The following NTRK2 variants were observed in gnomAD, a reference collection of about 807,000 sequenced individuals.
NTRK2 encodes the protein BDNF/NT-3 growth factors receptor.
A neutral mutation model predicts 94.5 loss-of-function variants in NTRK2; 13 were observed. That is an observed-to-expected ratio of 0.14 (90% CI 0.09 to 0.22). NTRK2 has a LOEUF of 0.22. Ranked by LOEUF, NTRK2 falls within the 10% of genes least tolerant of loss-of-function variation. NTRK2 has a pLI of 1.00. For synonymous variants in NTRK2, 372 were observed against 407.4 expected (o/e 0.91, Z 1.05); for missense variants, 639 against 1,071.2 (o/e 0.60, Z 5.63).
At position 85,022,718 on chromosome 9, in the gene NTRK2, GTA is replaced by G. The variant is rs1336399472; in HGVS notation, c.*1283_*1284del. The stretch of plus-strand genomic sequence containing the variant: ...ATAGGTAGAGCAGATCCATAAAAAG[GTA>G]TGACTTATACAATTAGGGGAAGCTA... On this transcript the variant is annotated 3_prime_UTR_variant, in exon 19 of 19. Transcript: ENST00000277120. 8.6e-6 allele frequency: 2 copies of G among 233,102 alleles called. No homozygotes were observed. The highest frequency in any genetic ancestry group is 1.7e-5 in the Non-Finnish European group (2 of 118,040). 14.4% of individuals were successfully genotyped at this position (233,102 alleles called of 1,614,324 possible).
chr9:84,799,304 T>C (rs894372368), intron 12 of NTRK2, among the ~76,000 whole-genome samples: 5 of 150,030 alleles, frequency 3.3e-5, no homozygotes, highest in Non-Finnish European at 7.4e-5. Context: ...CTAAGTCAGA[T>C]AAAAAAAAAA....
At chr9:84,863,738 T>G (rs1056196472) in intron 13 of NTRK2, among the ~76,000 whole-genome samples, 1 of 152,236 alleles carries the variant, frequency 6.6e-6, no homozygotes, top group Admixed American at 6.5e-5. Flanking sequence ...TTCTAGGTTT[T>G]GGAACATCAA....
chr9:84,750,343 G>C (rs1043945199), intron 11 of NTRK2, among the ~76,000 whole-genome samples: 1 of 152,162 alleles, frequency 6.6e-6, no homozygotes, highest in African/African-American at 2.4e-5. Context: ...AGTGACACAA[G>C]TCTGAACTAG....
chr9:84,890,860 T>C (rs934880901), intron 14 of NTRK2, among the ~76,000 whole-genome samples: 2 of 152,244 alleles, frequency 1.3e-5, no homozygotes, highest in African/African-American at 4.8e-5. Flanking sequence ...GTCATCTTCA[T>C]TGAAGTACTG....
intron 2 of NTRK2, among the ~76,000 whole-genome samples, chr9:84,691,931 C>T (rs925180593): frequency 6.6e-5 from 10 of 152,164 alleles, no homozygotes; most frequent in Non-Finnish European, 1.2e-4. Context: ...CACCCCAAGT[C>T]GCTGAATGAG....
At chr9:84,845,581 C>G (rs2074428053) in intron 12 of NTRK2, among the ~76,000 whole-genome samples, 1 of 152,134 alleles carries the variant, frequency 6.6e-6, no homozygotes. Context: ...TGGAATACTA[C>G]TCAGCCATAA....
intron 15 of NTRK2, among the ~76,000 whole-genome samples, chr9:84,944,528 A>G (rs1002890590): frequency 9.2e-5 from 14 of 152,250 alleles, no homozygotes; most frequent in African/African-American, 3.1e-4. Flanking sequence ...TTCAAGGGCC[A>G]GTACCTTTTC....
At chr9:84,699,448 G>C (rs1441423309) in intron 2 of NTRK2, among the ~76,000 whole-genome samples, 1 of 152,176 alleles carries the variant, frequency 6.6e-6, no homozygotes, top group East Asian at 1.9e-4. Flanking sequence ...GTATTCTCTA[G>C]TGACCATTTT....
intron 12 of NTRK2, among the ~76,000 whole-genome samples, chr9:84,782,037 A>AACACACACACACAAACAC (rs2067626873): frequency 6.7e-6 from 1 of 149,550 alleles, no homozygotes; most frequent in Non-Finnish European, 1.5e-5. Context: ...CCTCCAAGAA[A>AACACACACACACAAACAC]ACACACACAC....
intron 10 of NTRK2, 49 bp from the exon 11 acceptor site, chr9:84,744,924 C>CTTAATGACAACTTCATGTTCT: frequency 4.6e-6 from 6 of 1,306,618 alleles, no homozygotes; most frequent in Non-Finnish European, 6.7e-6. Context: ...TTGTTGGCAG[C>CTTAATGACAACTTCATGTTCT]TTAATGACAA....
chr9:84,906,807 C>T (rs1471243590), intron 14 of NTRK2, among the ~76,000 whole-genome samples: 1 of 152,164 alleles, frequency 6.6e-6, no homozygotes, highest in Non-Finnish European at 1.5e-5. Flanking sequence ...GCCTTGCTGG[C>T]TGTGCCTGTC....
chr9:84,810,136 A>G (rs1353321097), intron 12 of NTRK2, among the ~76,000 whole-genome samples: 9 of 152,174 alleles, frequency 5.9e-5, no homozygotes, highest in Non-Finnish European at 1.2e-4. Context: ...GGTTTTTGCC[A>G]TTGAAAGTAG....
intron 15 of NTRK2, among the ~76,000 whole-genome samples, chr9:84,948,255 G>C (rs867474162): frequency 6.6e-6 from 1 of 152,212 alleles, no homozygotes; most frequent in African/African-American, 2.4e-5. Flanking sequence ...GTAACCTAAT[G>C]AGAGAACCTC....
chr9:84,955,214 G>A (rs1823962648), intron 16 of NTRK2, 69 bp from the exon 17 acceptor site: 1 of 1,296,316 alleles, frequency 7.7e-7, no homozygotes, highest in Non-Finnish European at 1.1e-6. Context: ...ACGGGGAGGG[G>A]CAGGGGCAAA....
intron 5 of NTRK2, among the ~76,000 whole-genome samples, chr9:84,709,140 T>G (rs150242559): frequency 1.8e-4 from 27 of 152,372 alleles, no homozygotes; most frequent in Admixed American, 5.9e-4. Flanking sequence ...GTTTCTATGT[T>G]CCTGGATTCT....
At chr9:84,678,228 G>A (rs36004043) in intron 2 of NTRK2, among the ~76,000 whole-genome samples, 4,220 of 152,162 alleles carry the variant, frequency 0.028, 74 homozygotes, top group Admixed American at 0.044. Context: ...TATCATTCTG[G>A]ATGTCCCTTG....
chr9:84,807,437 C>T (rs1564321447), intron 12 of NTRK2, among the ~76,000 whole-genome samples: 2 of 152,218 alleles, frequency 1.3e-5, no homozygotes, highest in Non-Finnish European at 2.9e-5. Flanking sequence ...TCTCAGATAG[C>T]ACCTGCTTTA....
At chr9:84,779,222 T>C (rs1371833244) in intron 12 of NTRK2, among the ~76,000 whole-genome samples, 1 of 152,244 alleles carries the variant, frequency 6.6e-6, no homozygotes, top group Non-Finnish European at 1.5e-5. Flanking sequence ...TCTACATGAA[T>C]GCCATTGGAA....
At chr9:84,686,679 CAT>C (rs1246096847) in intron 2 of NTRK2, among the ~76,000 whole-genome samples, 1 of 152,160 alleles carries the variant, frequency 6.6e-6, no homozygotes, top group Non-Finnish European at 1.5e-5. Context: ...CCATCTGATA[CAT>C]ATACTTTTGC....
Sources: allele counts gnomAD v4.1 joint callset (sites outside exome capture counted in the v4.1 genomes callset), GRCh38; gene constraint gnomAD v4.1.1; transcripts MANE v1.5; gene names NCBI Gene and HGNC (gene_info 2026-07-23, HGNC 2026-07-21).